Variants in DLGAP2 observed in about 807,000 individuals in gnomAD.
DLGAP2 encodes disks large-associated protein 2.
Under a neutral mutation model 100.3 loss-of-function variants are expected in DLGAP2, and 26 were observed. The ratio of observed to expected loss-of-function variants is 0.26; its 90% CI spans 0.19 to 0.36. DLGAP2 has a LOEUF of 0.36. Ranked by LOEUF, DLGAP2 falls within the 10% of genes least tolerant of loss-of-function variation. DLGAP2 has a pLI of 1.00. For synonymous variants in DLGAP2, 886 were observed against 630.1 expected (o/e 1.41, Z -6.08); for missense variants, 1,858 against 1,453.2 (o/e 1.28, Z -4.53).
chr8:1,563,676 T>C (rs907232415), intron 5 of DLGAP2, among the ~76,000 whole-genome samples: 6 of 152,196 alleles, frequency 3.9e-5, no homozygotes, highest in African/African-American at 1.4e-4. Flanking sequence ...GAAATGAGCA[T>C]GCCTCTCCCT....
At chr8:1,344,692 C>T (rs1801515371) in intron 3 of DLGAP2, among the ~76,000 whole-genome samples, 1 of 152,172 alleles carries the variant, frequency 6.6e-6, no homozygotes, top group African/African-American at 2.4e-5. Context: ...CCGCGCTCCT[C>T]CGTAACCCCA....
At chr8:1,532,876 C>G (rs207468900) in intron 4 of DLGAP2, among the ~76,000 whole-genome samples, 7 of 152,156 alleles carry the variant, frequency 4.6e-5, no homozygotes, top group Non-Finnish European at 7.3e-5. Flanking sequence ...CAAGTCCAGC[C>G]TAACTTTTTA....
At chr8:1,536,192 G>A (rs1801148960) in intron 4 of DLGAP2, among the ~76,000 whole-genome samples, 1 of 152,154 alleles carries the variant, frequency 6.6e-6, no homozygotes, top group African/African-American at 2.4e-5. Flanking sequence ...GGGCACCGTG[G>A]TTCTGGCTGG....
Position 865,862 on chromosome 8 carries a change from G to A in DLGAP2, c.19-42050G>A, listed in dbSNP as rs571477233. Reference sequence around the variant, plus strand: ...CCCCTCAGAGAGAGGTGTGGTCTGCGGCTCACAGCAGGGCAGTAGGGAACA... The same window carrying A: ...CCCCTCAGAGAGAGGTGTGGTCTGCAGCTCACAGCAGGGCAGTAGGGAACA... On this transcript the variant is annotated intron_variant, in intron 1 of 14. Transcript: ENST00000637795. Among the ~76,000 whole-genome samples, 4 of 152,268 alleles carry A rather than the reference G, an allele frequency of 2.6e-5. No homozygotes were observed. In the East Asian group the frequency reaches 5.8e-4, roughly 22 times the overall value.
At chr8:1,156,112 G>A (rs1585107894) in intron 2 of DLGAP2, among the ~76,000 whole-genome samples, 1 of 152,186 alleles carries the variant, frequency 6.6e-6, no homozygotes, top group Non-Finnish European at 1.5e-5. Context: ...CCTGTTTCAG[G>A]GGCCGCAGGT....
intron 3 of DLGAP2, among the ~76,000 whole-genome samples, chr8:1,383,474 G>A (rs192370848): frequency 1.8e-3 from 278 of 152,306 alleles, no homozygotes; most frequent in Non-Finnish European, 3.0e-3. Context: ...ACAAGAACAC[G>A]GATGTGGAGG....
intron 5 of DLGAP2, among the ~76,000 whole-genome samples, chr8:1,561,440 A>G (rs934321259): frequency 6.6e-6 from 1 of 152,182 alleles, no homozygotes; most frequent in African/African-American, 2.4e-5. Context: ...TGTCCAGCTC[A>G]CGGTCACAGT....
intron 2 of DLGAP2, among the ~76,000 whole-genome samples, chr8:1,198,854 G>A (rs1460586909): frequency 2.0e-5 from 3 of 152,232 alleles, no homozygotes; most frequent in Non-Finnish European, 4.4e-5. Context: ...TTGGCTGGGG[G>A]TTAGGAGCTG....
At chr8:1,595,797 T>A (rs1046597983) in intron 6 of DLGAP2, among the ~76,000 whole-genome samples, 2 of 152,042 alleles carry the variant, frequency 1.3e-5, no homozygotes, top group African/African-American at 4.8e-5. Flanking sequence ...CTATAAATAT[T>A]TATTTAGTAG....
At chr8:909,799 G>A (rs550659803) in intron 2 of DLGAP2, among the ~76,000 whole-genome samples, 3 of 152,196 alleles carry the variant, frequency 2.0e-5, no homozygotes, top group Non-Finnish European at 4.4e-5. Flanking sequence ...ATGCAGAATG[G>A]AAAGATGGGG....
chr8:1,061,262 G>C (rs1803073224), intron 2 of DLGAP2, among the ~76,000 whole-genome samples: 1 of 152,146 alleles, frequency 6.6e-6, no homozygotes, highest in Admixed American at 6.6e-5. Flanking sequence ...AATTTTAGAA[G>C]ATTTTATGAT....
At chr8:1,384,063 T>G (rs1014472891) in intron 3 of DLGAP2, among the ~76,000 whole-genome samples, 4 of 152,224 alleles carry the variant, frequency 2.6e-5, no homozygotes, top group African/African-American at 4.8e-5. Flanking sequence ...ATTCAGACGT[T>G]GGGAAACAGT....
At position 1,583,818 on chromosome 8, in the gene DLGAP2, G is replaced by C. The variant is rs1796028000; in HGVS notation, c.1442+17924G>C. Among the ~76,000 whole-genome samples, 3 of 152,062 alleles carry C rather than the reference G, an allele frequency of 2.0e-5. No homozygotes were observed. The South Asian group carries it at 6.2e-4, about 32-fold the overall frequency. On this transcript the variant is annotated intron_variant, in intron 6 of 14. Coordinates refer to ENST00000637795, the MANE Select transcript of DLGAP2 (RefSeq NM_001346810.2). ...GACCCTCCACGCGCTGGTTGCAGGG[G>C]TTTGCCTGATCCCAGTGCAGATCCT... is the stretch of plus-strand genomic sequence containing the variant.
intron 3 of DLGAP2, among the ~76,000 whole-genome samples, chr8:1,425,090 A>G (rs1206133530): frequency 6.6e-6 from 1 of 152,236 alleles, no homozygotes. Flanking sequence ...GTAAACTTGT[A>G]TAGTATTTTG....
At chr8:777,607 G>A (rs1420663647) in intron 1 of DLGAP2, among the ~76,000 whole-genome samples, 2 of 151,904 alleles carry the variant, frequency 1.3e-5, no homozygotes, top group African/African-American at 4.8e-5. Context: ...CCTTCACTTA[G>A]GAAGCTTAGT....
chr8:1,515,610 A>T (rs921095901), intron 4 of DLGAP2, among the ~76,000 whole-genome samples: 5 of 152,142 alleles, frequency 3.3e-5, no homozygotes, highest in African/African-American at 9.7e-5. Flanking sequence ...ACACACGTGC[A>T]TGCACACACA....
chr8:809,266 G>A (rs1172046216), intron 1 of DLGAP2, among the ~76,000 whole-genome samples: 1 of 152,126 alleles, frequency 6.6e-6, no homozygotes, highest in African/African-American at 2.4e-5. Context: ...ACACTTCGAT[G>A]ATTTACTGTT....
intron 1 of DLGAP2, among the ~76,000 whole-genome samples, chr8:835,485 C>G (rs888145324): frequency 1.3e-4 from 19 of 151,596 alleles, no homozygotes; most frequent in Admixed American, 5.3e-4. Context: ...CCCCACCCCT[C>G]TCTCCATCCT....
At chr8:1,489,220 C>G (rs549324655) in intron 3 of DLGAP2, among the ~76,000 whole-genome samples, 8 of 152,194 alleles carry the variant, frequency 5.3e-5, no homozygotes, top group Non-Finnish European at 1.0e-4. Flanking sequence ...TAGTGTGCTT[C>G]TGATGCGTGG....
Sources: allele counts gnomAD v4.1 joint callset (sites outside exome capture counted in the v4.1 genomes callset), GRCh38; gene constraint gnomAD v4.1.1; transcripts MANE v1.5; gene names NCBI Gene and HGNC (gene_info 2026-07-23, HGNC 2026-07-21).